The following SLC39A11 variants were observed in gnomAD, a reference collection of about 807,000 sequenced individuals.
SLC39A11 encodes solute carrier family 39 member 11, also known as zinc transporter ZIP11.
SLC39A11 carries 33 observed loss-of-function variants against 36.1 expected under a neutral mutation model. The observed-to-expected ratio is 0.91, with a 90% CI of 0.69 to 1.22. SLC39A11 has a LOEUF of 1.22. Among genes scored for constraint, SLC39A11 ranks in the 50% most tolerant of loss-of-function variants. The pLI is 0.00. For missense variants in SLC39A11, 432 were observed against 430.3 expected (o/e 1.00, Z -0.03); for synonymous variants, 166 against 170.3 (o/e 0.97, Z 0.20).
At chr17:72,648,561 C>T (rs148178507) in intron 9 of SLC39A11, among the ~76,000 whole-genome samples, 24 of 152,048 alleles carry the variant, frequency 1.6e-4, no homozygotes, top group African/African-American at 3.6e-4. Flanking sequence ...CATCAAGGGA[C>T]GGGGGGCAGG....
At chr17:72,741,065 C>T (rs372484337) in intron 6 of SLC39A11, among the ~76,000 whole-genome samples, 9 of 152,288 alleles carry the variant, frequency 5.9e-5, no homozygotes, top group South Asian at 4.1e-4. Context: ...TGAGCCACTG[C>T]GCCCCACCCA....
chr17:72,948,019 C>A (rs1353958206), intron 4 of SLC39A11, 144 bp from the exon 5 acceptor site: 4 of 998,444 alleles, frequency 4.0e-6, no homozygotes, highest in Non-Finnish European at 6.0e-6. Flanking sequence ...ACCCAGTTGC[C>A]AGGCCATGCT....
intron 6 of SLC39A11, among the ~76,000 whole-genome samples, chr17:72,759,454 A>C (rs2713974): frequency 0.089 from 13,596 of 152,228 alleles, 1,052 homozygotes; most frequent in East Asian, 0.33. Flanking sequence ...CTTAAAAATC[A>C]CGTGTCTGGA....
At chr17:73,001,704 G>A (rs909482734) in intron 4 of SLC39A11, among the ~76,000 whole-genome samples, 3 of 152,120 alleles carry the variant, frequency 2.0e-5, no homozygotes, top group African/African-American at 7.2e-5. Context: ...CATGGAATGA[G>A]TTCAAGCCAT....
intron 5 of SLC39A11, among the ~76,000 whole-genome samples, chr17:72,864,445 G>A (rs2146274053): frequency 1.3e-5 from 2 of 152,128 alleles, no homozygotes; most frequent in South Asian, 4.2e-4. Flanking sequence ...GCTGAGCCCA[G>A]CTAAAGGTGG....
chr17:72,945,489 A>C (rs2085377710), intron 5 of SLC39A11, among the ~76,000 whole-genome samples: 1 of 152,224 alleles, frequency 6.6e-6, no homozygotes, highest in South Asian at 2.1e-4. Flanking sequence ...GCCAGTTATC[A>C]AATAGCCATT....
chr17:72,880,843 G>A lies in SLC39A11; in HGVS notation c.431-31039C>T, dbSNP rs60410209. Among the ~76,000 whole-genome samples, 709 of 150,426 alleles carry A rather than the reference G, an allele frequency of 4.7e-3. 4 individuals carry two copies. Among genetic ancestry groups the A allele is most frequent in the African/African-American group, 0.017 (679 of 40,642 alleles). On this transcript the variant is annotated intron_variant, in intron 5 of 9. Transcript: ENST00000255559. ...ACTACAGGCGCCCGCCACCACGCCC[G>A]GCTAATCTTTTGTATTTTTAGTAGA...
chr17:72,722,665 C>T (rs771329015), intron 7 of SLC39A11, among the ~76,000 whole-genome samples: 3 of 151,794 alleles, frequency 2.0e-5, no homozygotes, highest in East Asian at 3.9e-4. Context: ...GACAGAGTCT[C>T]GCTCTGTTGC....
chr17:72,686,731 G>T (rs2071769642), intron 7 of SLC39A11, among the ~76,000 whole-genome samples: 1 of 152,134 alleles, frequency 6.6e-6, no homozygotes, highest in South Asian at 2.1e-4. Flanking sequence ...TTTATAAGGG[G>T]CCTATGAAAA....
intron 7 of SLC39A11, among the ~76,000 whole-genome samples, chr17:72,709,830 T>C (rs1000064507): frequency 6.6e-6 from 1 of 152,240 alleles, no homozygotes; most frequent in Non-Finnish European, 1.5e-5. Context: ...TTTGTGATAT[T>C]TTATGTATCT....
chr17:73,072,695 G>C (rs147825105), intron 3 of SLC39A11, among the ~76,000 whole-genome samples: 2 of 152,110 alleles, frequency 1.3e-5, no homozygotes, highest in African/African-American at 2.4e-5. Context: ...CAGAGGAATC[G>C]GGAGTCAGGG....
intron 7 of SLC39A11, among the ~76,000 whole-genome samples, chr17:72,710,423 A>G (rs1213832743): frequency 6.6e-6 from 1 of 152,232 alleles, no homozygotes; most frequent in African/African-American, 2.4e-5. Flanking sequence ...TGATTAAGTC[A>G]TGAGGGCTCC....
At chr17:73,026,926 C>T (rs1196868964) in intron 4 of SLC39A11, among the ~76,000 whole-genome samples, 1 of 151,676 alleles carries the variant, frequency 6.6e-6, no homozygotes, top group African/African-American at 2.4e-5. Context: ...AAGACTAGCC[C>T]GGGCAACATA....
intron 6 of SLC39A11, among the ~76,000 whole-genome samples, chr17:72,772,190 C>T (rs1208060655): frequency 1.3e-5 from 2 of 151,334 alleles, no homozygotes; most frequent in African/African-American, 2.4e-5. Context: ...CAATGCCCTC[C>T]ACCCCAGGAA....
In SLC39A11 at chr17:72,943,127, G is replaced by T. The variant is rs1157019957; in HGVS notation, c.430+4625C>A. On this transcript the variant is annotated intron_variant, in intron 5 of 9. Coordinates refer to ENST00000255559, the MANE Select transcript of SLC39A11 (RefSeq NM_139177.4). ...GGAGAAGAGAGAGTGTCTTGAGGTG[G>T]AAGAAGGGGATCAAAGAGCAACTGA... Among the ~76,000 whole-genome samples the T allele has an allele frequency of 4.6e-5, 7 of 152,310 alleles. No individual in the cohort carries two copies. In the South Asian group the frequency reaches 1.4e-3, roughly 32 times the overall value.
intron 3 of SLC39A11, among the ~76,000 whole-genome samples, chr17:73,034,839 C>G (rs138618397): frequency 5.3e-5 from 8 of 152,312 alleles, no homozygotes; most frequent in African/African-American, 1.9e-4. Context: ...AATCCACAAG[C>G]TATTCAAGGA....
chr17:72,859,294 C>A (rs970079737), intron 5 of SLC39A11, among the ~76,000 whole-genome samples: 5 of 152,176 alleles, frequency 3.3e-5, no homozygotes, highest in African/African-American at 1.2e-4. Context: ...CAAGTAAAGA[C>A]AGGATGCCCA....
At chr17:72,780,246 G>A (rs1240823560) in intron 6 of SLC39A11, among the ~76,000 whole-genome samples, 1 of 152,186 alleles carries the variant, frequency 6.6e-6, no homozygotes, top group African/African-American at 2.4e-5. Flanking sequence ...GCAAGAGCTG[G>A]ATCAACAAGG....
At chr17:72,737,299 T>C (rs1387307572) in intron 6 of SLC39A11, among the ~76,000 whole-genome samples, 4 of 152,004 alleles carry the variant, frequency 2.6e-5, no homozygotes, top group Admixed American at 6.6e-5. Flanking sequence ...TAAAAATAAA[T>C]TTATATAAAA....
Sources: allele counts gnomAD v4.1 joint callset (sites outside exome capture counted in the v4.1 genomes callset), GRCh38; gene constraint gnomAD v4.1.1; transcripts MANE v1.5; gene names NCBI Gene and HGNC (gene_info 2026-07-23, HGNC 2026-07-21).